RPRD1B: variants seen among roughly 807,000 people sequenced by gnomAD.
RPRD1B encodes the protein regulation of nuclear pre-mRNA domain containing 1B.
In RPRD1B, 11 loss-of-function variants were observed where a neutral mutation model predicts 41.5. The observed-to-expected ratio is 0.27, with a 90% CI of 0.17 to 0.44. The LOEUF (loss-of-function observed/expected upper bound fraction) is 0.44, where lower values mean the gene tolerates loss of function less well. RPRD1B is among the 20% of genes least tolerant of loss of function. The pLI is 1.00. For missense variants in RPRD1B, 248 were observed against 389.9 expected, an observed-to-expected ratio of 0.64 and a Z score of 3.06; for synonymous variants, 158 against 155.6, an observed-to-expected ratio of 1.02 and a Z score of -0.12.
chr20:38,051,995 C>T (rs2074190084), intron 3 of RPRD1B, among the ~76,000 whole-genome samples: 1 of 152,202 alleles, frequency 6.6e-6, no homozygotes, highest in Non-Finnish European at 1.5e-5. Context: ...AGGTGATCCG[C>T]CCACCTCGGC....
rs1453382654 is a variant in RPRD1B at position 38,060,518 on chromosome 20, T to C, written c.655+998T>C. On this transcript the variant is annotated intron_variant, in intron 5 of 6. Coordinates refer to ENST00000373433, the MANE Select transcript of RPRD1B (RefSeq NM_021215.4). ...ATGATTGCAGGCGGTATTAATGGTATTTTAAAGGTGTTTGGGGAAAGCCTT... is the reference window on the plus strand; with the variant it reads ...ATGATTGCAGGCGGTATTAATGGTACTTTAAAGGTGTTTGGGGAAAGCCTT... Among the ~76,000 whole-genome samples, 3 of 152,168 alleles carry C rather than the reference T, an allele frequency of 2.0e-5. No homozygotes were observed. In the East Asian group the frequency reaches 5.8e-4, roughly 29 times the overall value.
In RPRD1B at chr20:38,090,429, TCTC is replaced by T. The variant is rs1281435879; in HGVS notation, c.*557_*559del. The T allele has an allele frequency of 2.0e-6, 2 of 985,860 alleles. No individual in the cohort carries two copies. Among genetic ancestry groups the T allele is most frequent in the Non-Finnish European group, 2.4e-6 (2 of 830,086 alleles). 61.1% of individuals were successfully genotyped at this position (985,860 alleles called of 1,614,324 possible). A position where few individuals can be genotyped will look rare whatever the true frequency, so the allele number is the denominator to read the frequency against. ...TCTCTGATCCTCCCTTTCCATTGCT[TCTC>T]CTAGTGATGCACGAAGATTAGGTGC... On this transcript the variant is annotated 3_prime_UTR_variant, in exon 7 of 7. Coordinates refer to ENST00000373433, the MANE Select transcript of RPRD1B (RefSeq NM_021215.4).
rs1182957359 is a variant in RPRD1B, at chr20:38,089,998, A to C, written c.*123A>C. The C allele has an allele frequency of 6.8e-6, 10 of 1,469,330 alleles. No individual in the cohort carries two copies. The highest frequency in any genetic ancestry group is 5.4e-6 in the Non-Finnish European group (6 of 1,115,158). The allele number at this position is 1,469,330 out of a possible 1,614,324, so 91.0% of individuals were successfully genotyped here. On this transcript the variant is annotated 3_prime_UTR_variant, in exon 7 of 7. Coordinates refer to ENST00000373433, the MANE Select transcript of RPRD1B (RefSeq NM_021215.4). ...TTCCGCCCAGCCCCCCAGCCTCAAG[A>C]AAGAACCTCAGACTCTGATTCTCCT...
chr20:38,045,602 C>T (rs1442470001), intron 2 of RPRD1B, among the ~76,000 whole-genome samples: 2 of 152,150 alleles, frequency 1.3e-5, no homozygotes, highest in African/African-American at 4.8e-5. Flanking sequence ...GCATCATTTT[C>T]CACTGTGCCT....
chr20:38,034,116 A>AC lies in RPRD1B; in HGVS notation c.151+23dup, dbSNP rs1312515083. 1.2e-6 allele frequency: 2 copies of AC among 1,604,244 alleles called. No homozygotes were observed. Among genetic ancestry groups the AC allele is most frequent in the Non-Finnish European group, 8.5e-7 (1 of 1,174,896 alleles). On this transcript the variant is annotated intron_variant, in intron 1 of 6. Coordinates refer to ENST00000373433, the MANE Select transcript of RPRD1B (RefSeq NM_021215.4). ...CCGCAAAGGTAAACACCAAATCCCC[A>AC]CCCCCTGGACGGTCCCCGGATTGTC...
rs140962504 is a variant in RPRD1B at position 38,072,397 on chromosome 20, A to G, written c.831+6141A>G. Among the ~76,000 whole-genome samples the G allele has an allele frequency of 4.5e-3, 688 of 152,354 alleles. 4 individuals carry two copies. Among genetic ancestry groups the G allele is most frequent in the African/African-American group, 0.015 (632 of 41,576 alleles). Reference sequence around the variant, plus strand: ...ATGTATATGTCTATCCTATGCTCATACCACACTATCTCCATCACTGTAGTT... The same window carrying G: ...ATGTATATGTCTATCCTATGCTCATGCCACACTATCTCCATCACTGTAGTT... On this transcript the variant is annotated intron_variant, in intron 6 of 6. Transcript: ENST00000373433.
At chr20:38,074,070 A>G (rs1168660064) in intron 6 of RPRD1B, among the ~76,000 whole-genome samples, 3 of 152,156 alleles carry the variant, frequency 2.0e-5, no homozygotes, top group African/African-American at 7.2e-5. Flanking sequence ...TGCACTCAGT[A>G]CCTTCCCACG....
chr20:38,041,918 G>T (rs1295804479), intron 2 of RPRD1B, among the ~76,000 whole-genome samples: 1 of 152,170 alleles, frequency 6.6e-6, no homozygotes, highest in Non-Finnish European at 1.5e-5. Context: ...AAAGTGTCTG[G>T]CACAGAGCTG....
chr20:38,078,388 A>T (rs573604135), intron 6 of RPRD1B, among the ~76,000 whole-genome samples: 1 of 152,236 alleles, frequency 6.6e-6, no homozygotes, highest in East Asian at 1.9e-4. Context: ...ATACTTACCT[A>T]GTTAATTCCT....
chr20:38,046,232 C>T (rs1272530835), intron 2 of RPRD1B, among the ~76,000 whole-genome samples: 16 of 151,998 alleles, frequency 1.1e-4, no homozygotes, highest in Non-Finnish European at 2.1e-4. Flanking sequence ...GAGTCGAGCC[C>T]TAGAGGTCAG....
At chr20:38,046,147 G>T (rs1022448554) in intron 2 of RPRD1B, among the ~76,000 whole-genome samples, 3 of 152,136 alleles carry the variant, frequency 2.0e-5, no homozygotes, top group Non-Finnish European at 4.4e-5. Flanking sequence ...AAATACATAC[G>T]GGTGGGTGTT....
chr20:38,047,593 C>G (rs75680461), intron 2 of RPRD1B, among the ~76,000 whole-genome samples: 1,557 of 152,164 alleles, frequency 0.01, 26 homozygotes, highest in African/African-American at 0.036. Flanking sequence ...GAAAGTCTAA[C>G]CCAATCTTCT....
At chr20:38,086,904 ACC>A (rs1439084916) in intron 6 of RPRD1B, among the ~76,000 whole-genome samples, 50 of 150,744 alleles carry the variant, frequency 3.3e-4, no homozygotes, top group African/African-American at 1.1e-3. Flanking sequence ...CCCACCCTAT[ACC>A]CCCTTCCAAA....
chr20:38,034,001 C>T lies in RPRD1B; in HGVS notation c.54C>T (p.Asn18=), dbSNP rs772966998. The T allele has an allele frequency of 3.2e-5, 51 of 1,614,022 alleles. 3 individuals are homozygous for T. The South Asian group carries it at 5.4e-4, about 17-fold the overall frequency. Residue 18 remains asparagine (N), a synonymous_variant, in exon 1 of 7, where the codon AAC becomes AAT. Coordinates refer to ENST00000373433, the MANE Select transcript of RPRD1B (RefSeq NM_021215.4). ...AGAAGAAGCTCTCGGAGCTGAGCAA[C>T]TCTCAGCAGAGCGTGCAGACCCTGT... The part of the protein sequence containing the change: ...ALEKKLSELS[N]SQQSVQTLSL...
At chr20:38,068,544 A>G (rs1459993304) in intron 6 of RPRD1B, among the ~76,000 whole-genome samples, 1 of 152,166 alleles carries the variant, frequency 6.6e-6, no homozygotes, top group East Asian at 1.9e-4. Context: ...GATTATAGGC[A>G]TGTACTACCA....
At chr20:38,070,671 C>T (rs993904388) in intron 6 of RPRD1B, 3 of 984,594 alleles carry the variant, frequency 3.0e-6, no homozygotes, top group African/African-American at 3.5e-5. Context: ...GAGAAAGAAA[C>T]CTATTTGTAC....
chr20:38,074,151 T>C lies in RPRD1B; in HGVS notation c.831+7895T>C, dbSNP rs954621814. On this transcript the variant is annotated intron_variant, in intron 6 of 6. Coordinates refer to ENST00000373433, the MANE Select transcript of RPRD1B (RefSeq NM_021215.4). ...CCTACTTTGATGTGGGAGTTTTCTT[T>C]CTTTTTACTTTTCTTTTATTTTCTT... is the stretch of plus-strand genomic sequence containing the variant. Among the ~76,000 whole-genome samples the C allele has an allele frequency of 2.6e-5, 4 of 152,318 alleles. No homozygotes were observed. The East Asian group carries it at 7.7e-4, about 29-fold the overall frequency.
At chr20:38,074,542 C>T (rs182184242) in intron 6 of RPRD1B, among the ~76,000 whole-genome samples, 4 of 152,302 alleles carry the variant, frequency 2.6e-5, no homozygotes, top group African/African-American at 9.6e-5. Flanking sequence ...GCCATAGTAC[C>T]GTTTTCATAT....
chr20:38,066,842 G>A lies in RPRD1B; in HGVS notation c.831+586G>A, dbSNP rs141269791. The stretch of plus-strand genomic sequence containing the variant: ...GGCTAATTTTTTGTATTTTTAGTAG[G>A]GACGGGGTTTCACCATGTTAGCCAG... On this transcript the variant is annotated intron_variant, in intron 6 of 6. Coordinates refer to ENST00000373433, the MANE Select transcript of RPRD1B (RefSeq NM_021215.4). Among the ~76,000 whole-genome samples the A allele has an allele frequency of 8.3e-3, 1,265 of 151,944 alleles. 10 individuals carry two copies. Among genetic ancestry groups the A allele is most frequent in the African/African-American group, 0.025 (1,038 of 41,452 alleles).
Sources: gnomAD v4.1 joint callset for allele counts (sites outside exome capture counted in the v4.1 genomes callset) on GRCh38, gnomAD v4.1.1 for gene constraint, MANE v1.5 for transcripts, NCBI Gene and HGNC (gene_info 2026-07-23, HGNC 2026-07-21) for gene names.